The following TENM4 variants were observed in gnomAD, a reference collection of about 807,000 sequenced individuals.
TENM4 encodes teneurin transmembrane protein 4.
In TENM4, 82 loss-of-function variants were observed where a neutral mutation model predicts 243.3. The ratio of observed to expected loss-of-function variants is 0.34; its 90% CI spans 0.28 to 0.40. TENM4 has a LOEUF of 0.40. Ranked by LOEUF, TENM4 falls within the 10% of genes least tolerant of loss-of-function variation. The pLI, the probability that TENM4 is intolerant of heterozygous loss-of-function variation, is 1.00. For missense variants in TENM4, 3,138 were observed against 3,673.3 expected, an observed-to-expected ratio of 0.85 and a Z score of 3.77; for synonymous variants, 1,412 against 1,456.3, an observed-to-expected ratio of 0.97 and a Z score of 0.69.
intron 1 of TENM4, among the ~76,000 whole-genome samples, chr11:79,390,131 G>A (rs1236429444): frequency 2.0e-5 from 3 of 152,212 alleles, no homozygotes; most frequent in Non-Finnish European, 2.9e-5. Flanking sequence ...AAGGTGGGGT[G>A]GGAAATGCAG....
At chr11:78,924,003 T>G (rs1399546233) in intron 6 of TENM4, among the ~76,000 whole-genome samples, 1 of 151,780 alleles carries the variant, frequency 6.6e-6, no homozygotes, top group East Asian at 1.9e-4. Flanking sequence ...TACAGGTGCC[T>G]GCCACCACGC....
chr11:78,752,580 A>G lies in TENM4; in HGVS notation c.2756+4225T>C, dbSNP rs546427336. 6.6e-5 allele frequency among the ~76,000 whole-genome samples: 10 copies of G among 152,304 alleles called. No individual in the cohort carries two copies. The South Asian group carries it at 1.7e-3, about 25-fold the overall frequency. ...CTGTTAAATGAAATCTCAAACTACA[A>G]ATTGTGGCACAGCACATGGGGTGCA... On this transcript the variant is annotated intron_variant, in intron 19 of 33. Transcript: ENST00000278550.
chr11:78,828,410 T>C (rs1857906094), intron 12 of TENM4, among the ~76,000 whole-genome samples: 1 of 152,216 alleles, frequency 6.6e-6, no homozygotes, highest in Non-Finnish European at 1.5e-5. Context: ...CATCTGTGAA[T>C]TATGTACTTA....
chr11:78,852,955 T>C (rs1350010303), intron 12 of TENM4, among the ~76,000 whole-genome samples: 12 of 152,108 alleles, frequency 7.9e-5, no homozygotes, highest in Non-Finnish European at 1.5e-5. Context: ...GATCTTGCTA[T>C]GTTGCCCAGG....
At chr11:79,248,964 T>C (rs774848997) in intron 2 of TENM4, among the ~76,000 whole-genome samples, 1 of 152,166 alleles carries the variant, frequency 6.6e-6, no homozygotes, top group Non-Finnish European at 1.5e-5. Context: ...GGAAGAAGAA[T>C]ATTTTCTGAA....
At chr11:78,885,016 A>C (rs1855520460) in intron 9 of TENM4, among the ~76,000 whole-genome samples, 1 of 152,258 alleles carries the variant, frequency 6.6e-6, no homozygotes, top group South Asian at 2.1e-4. Flanking sequence ...TATGAATGAT[A>C]AACAGCAGCC....
intron 15 of TENM4, among the ~76,000 whole-genome samples, chr11:78,789,376 G>C (rs2136045026): frequency 6.6e-6 from 1 of 152,218 alleles, no homozygotes; most frequent in East Asian, 1.9e-4. Context: ...TTCCTTTCTT[G>C]CTCACATAGA....
intron 2 of TENM4, among the ~76,000 whole-genome samples, chr11:79,296,955 C>T (rs1003658374): frequency 7.2e-5 from 11 of 152,136 alleles, no homozygotes; most frequent in Non-Finnish European, 1.3e-4. Flanking sequence ...CAGTGCCCAG[C>T]GCCGAGACTG....
intron 6 of TENM4, among the ~76,000 whole-genome samples, chr11:78,987,106 C>T (rs922413250): frequency 2.6e-5 from 4 of 152,174 alleles, no homozygotes; most frequent in African/African-American, 4.8e-5. Context: ...TCCTCCCCAT[C>T]ATATTATTTC....
At chr11:79,091,118 A>T (rs895138504) in intron 4 of TENM4, among the ~76,000 whole-genome samples, 5 of 152,128 alleles carry the variant, frequency 3.3e-5, no homozygotes, top group African/African-American at 1.2e-4. Context: ...GCGCTTACTT[A>T]TTTTTTATGT....
chr11:79,187,705 T>A (rs1863404180), intron 3 of TENM4, among the ~76,000 whole-genome samples: 1 of 152,084 alleles, frequency 6.6e-6, no homozygotes, highest in South Asian at 2.1e-4. Flanking sequence ...TTAATTAAGG[T>A]AAAATGAGGT....
chr11:78,875,756 C>T (rs1013437823), intron 9 of TENM4, among the ~76,000 whole-genome samples: 1 of 152,186 alleles, frequency 6.6e-6, no homozygotes, highest in African/African-American at 2.4e-5. Flanking sequence ...TTGCACTTAA[C>T]AAATACTTAC....
In TENM4 at chr11:78,669,685, A is replaced by G. The variant is rs752511054; in HGVS notation, c.6660T>C (p.Asn2220=). ...CAGGGCTCAGTAAGTGCAGGTTCCC[A>G]TTGAGGTCGTAGCTGTAGCGCCAGA... The part of the protein sequence containing the change: ...KPLWRYSYDL[N]GNLHLLSPGN... Residue 2220 remains asparagine (N), a synonymous_variant, in exon 32 of 34, where the codon AAT becomes AAC. Coordinates refer to ENST00000278550, the MANE Select transcript of TENM4 (RefSeq NM_001098816.3). This position sits in a 1 kb window ranked among gnomAD's most constrained non-coding sequence, Gnocchi z 6.4. 2 of 1,613,934 alleles carry G rather than the reference A, an allele frequency of 1.2e-6. No homozygotes were observed. The highest frequency in any genetic ancestry group is 1.1e-5 in the South Asian group (1 of 91,072).
chr11:79,170,662 A>T (rs1424939979), intron 3 of TENM4, among the ~76,000 whole-genome samples: 1 of 152,060 alleles, frequency 6.6e-6, no homozygotes, highest in Non-Finnish European at 1.5e-5. Context: ...TTGCCAGCAA[A>T]CCCCCAGAAG....
intron 1 of TENM4, among the ~76,000 whole-genome samples, chr11:79,406,300 G>A (rs1398845576): frequency 6.6e-6 from 1 of 152,090 alleles, no homozygotes; most frequent in African/African-American, 2.4e-5. Flanking sequence ...ATTTTAAAAG[G>A]AAAATGTATC....
intron 2 of TENM4, among the ~76,000 whole-genome samples, chr11:79,231,222 A>G: frequency 6.6e-6 from 1 of 152,228 alleles, no homozygotes. Flanking sequence ...GATGAGGGAA[A>G]AAAATTCAGG....
rs149386293 is a variant in TENM4 at position 78,899,460 on chromosome 11, C to T, written c.749+3808G>A. Among the ~76,000 whole-genome samples the T allele has an allele frequency of 7.9e-3, 1,190 of 149,862 alleles. 15 individuals are homozygous for T. The highest frequency in any genetic ancestry group is 0.027 in the African/African-American group (1,107 of 40,738). On this transcript the variant is annotated intron_variant, in intron 7 of 33. Transcript: ENST00000278550. Reference sequence around the variant, plus strand: ...CATGGGGGTGGCACATGCCTGTAGTCCCAGCTACTTGGGAGGCTAAGGTGG... The same window carrying T: ...CATGGGGGTGGCACATGCCTGTAGTTCCAGCTACTTGGGAGGCTAAGGTGG...
rs144956150 is a variant in TENM4 at position 79,340,197 on chromosome 11, T to C, written c.-320-42654A>G. On this transcript the variant is annotated intron_variant, in intron 1 of 33. Transcript: ENST00000278550. ...CAGTGGAAATGTCACTTTGCTGGTC[T>C]ACCTCTCCTGAAGATATTGAGAAGG... is the stretch of plus-strand genomic sequence containing the variant. 2.4e-3 allele frequency among the ~76,000 whole-genome samples: 362 copies of C among 152,312 alleles called. 8 individuals carry two copies. Among genetic ancestry groups the C allele is most frequent in the South Asian group, 0.015 (72 of 4,828 alleles).
At chr11:79,386,952 T>A (rs1050108934) in intron 1 of TENM4, among the ~76,000 whole-genome samples, 4 of 152,084 alleles carry the variant, frequency 2.6e-5, no homozygotes, top group African/African-American at 9.7e-5. Context: ...TGCATAAGAA[T>A]GTTCACCGAA....
Sources: allele counts gnomAD v4.1 joint callset (sites outside exome capture counted in the v4.1 genomes callset), GRCh38; gene constraint gnomAD v4.1.1; non-coding constraint Gnocchi (gnomAD v3.1); transcripts MANE v1.5; gene names NCBI Gene and HGNC (gene_info 2026-07-23, HGNC 2026-07-21).